The following TRERF1 variants were observed in gnomAD, a reference collection of about 807,000 sequenced individuals.
TRERF1 encodes transcriptional-regulating factor 1.
TRERF1 carries 27 observed loss-of-function variants against 122.9 expected under a neutral mutation model. The observed-to-expected ratio is 0.22, with a 90% CI of 0.16 to 0.30. The LOEUF (loss-of-function observed/expected upper bound fraction) is 0.30. Among genes scored for constraint, TRERF1 ranks in the 10% least tolerant of loss-of-function variants. The pLI, the probability that TRERF1 is intolerant of heterozygous loss-of-function variation, is 1.00. For missense variants in TRERF1, 1,248 were observed against 1,560.3 expected (o/e 0.80, Z 3.37); for synonymous variants, 636 against 641.7 (o/e 0.99, Z 0.13).
chr6:42,449,349 G>A (rs568467654), intron 2 of TRERF1, among the ~76,000 whole-genome samples: 5 of 152,244 alleles, frequency 3.3e-5, no homozygotes, highest in East Asian at 1.9e-4. Flanking sequence ...GTGTCACTCC[G>A]GGTATCAATT....
At chr6:42,370,122 G>A (rs774742492) in intron 2 of TRERF1, among the ~76,000 whole-genome samples, 15 of 152,118 alleles carry the variant, frequency 9.9e-5, no homozygotes, top group South Asian at 2.1e-4. Context: ...GTAAAGGATG[G>A]ATGCAGGGGA....
Position 42,232,961 on chromosome 6 carries a change from G to A in TRERF1, c.3067-69C>T. 6.7e-7 allele frequency: 1 copy of A among 1,488,742 alleles called. No individual in the cohort carries two copies. The highest frequency in any genetic ancestry group is 9.0e-7 in the Non-Finnish European group (1 of 1,113,532). The allele number at this position is 1,488,742 out of a possible 1,614,324, so 92.2% of individuals were successfully genotyped here. ...GGAAATTAGGGTTATTAGTTACTCA[G>A]TGGTAAACATGGAATACTTGAAACT... On this transcript the variant is annotated intron_variant, in intron 16 of 17. Coordinates refer to ENST00000372922, the Ensembl canonical transcript of TRERF1. The surrounding 1 kb of genome is among the most constrained non-coding windows in gnomAD (Gnocchi z 4.5).
At position 42,228,079 on chromosome 6, in the gene TRERF1, G is replaced by T; in HGVS notation, c.*266C>A. 2.8e-6 allele frequency: 1 copy of T among 355,478 alleles called. No individual in the cohort carries two copies. Among genetic ancestry groups the T allele is most frequent in the Non-Finnish European group, 5.1e-6 (1 of 197,368 alleles). The allele number at this position is 355,478 out of a possible 1,614,324, so 22.0% of individuals were successfully genotyped here. ...TGAAGGTCAGCTTCAGTCCCTACTGGGAATGATTTCATGAGAAGGTAGCCC... is the reference window on the plus strand; with the variant it reads ...TGAAGGTCAGCTTCAGTCCCTACTGTGAATGATTTCATGAGAAGGTAGCCC... On this transcript the variant is annotated 3_prime_UTR_variant, in exon 18 of 18. Coordinates refer to ENST00000372922, the Ensembl canonical transcript of TRERF1. This position sits in a 1 kb window ranked among gnomAD's most constrained non-coding sequence, Gnocchi z 4.2.
At chr6:42,362,946 C>G (rs376788319) in intron 3 of TRERF1, 51 bp downstream of exon 3, 1 of 153,888 alleles carries the variant, frequency 6.5e-6, no homozygotes, top group South Asian at 2.1e-4. Context: ...AATGGTCTTA[C>G]GACTGCTTTG....
Position 42,266,984 on chromosome 6 carries a change from C to T in TRERF1, c.1437+1170G>A, listed in dbSNP as rs181776408. Among the ~76,000 whole-genome samples, 180 of 152,304 alleles carry T rather than the reference C, an allele frequency of 1.2e-3. 1 individual carries two copies. Among genetic ancestry groups the T allele is most frequent in the African/African-American group, 4.1e-3 (172 of 41,562 alleles). ...GGATCATGTGGGCAGCTAAGGTTTT[C>T]ATCTCCACAATCACACATGGTATCT... On this transcript the variant is annotated intron_variant, in intron 5 of 17. Coordinates refer to ENST00000372922, the Ensembl canonical transcript of TRERF1.
At chr6:42,414,714 C>A (rs1012629102) in intron 2 of TRERF1, among the ~76,000 whole-genome samples, 1 of 152,236 alleles carries the variant, frequency 6.6e-6, no homozygotes, top group Non-Finnish European at 1.5e-5. Context: ...GTGCAATGCA[C>A]TCCGTTATCT....
At chr6:42,315,175 G>A (rs191243185) in intron 3 of TRERF1, among the ~76,000 whole-genome samples, 2 of 152,294 alleles carry the variant, frequency 1.3e-5, no homozygotes, top group East Asian at 3.9e-4. Context: ...GCCTTCCAGA[G>A]GACATTTGGC....
chr6:42,313,801 A>AG (rs1316338215), intron 3 of TRERF1, among the ~76,000 whole-genome samples: 1 of 152,144 alleles, frequency 6.6e-6, no homozygotes, highest in Non-Finnish European at 1.5e-5. Flanking sequence ...TGTGGGCCTC[A>AG]GGAACTCTCC....
intron 2 of TRERF1, among the ~76,000 whole-genome samples, chr6:42,373,384 T>A (rs1159403403): frequency 6.7e-6 from 1 of 148,254 alleles, no homozygotes; most frequent in African/African-American, 2.5e-5. Flanking sequence ...AATACAAAAT[T>A]AGGCTGGGCA....
At chr6:42,278,161 T>C (rs997880451) in intron 4 of TRERF1, among the ~76,000 whole-genome samples, 1 of 152,206 alleles carries the variant, frequency 6.6e-6, no homozygotes, top group African/African-American at 2.4e-5. Context: ...TAACCTGACT[T>C]GTAGAGACAA....
rs1308250272 is a variant in TRERF1, at chr6:42,373,818, CA to C, written c.-453-10740del. ...TGCATTCCAGCCTGGGCAACAAGAG[CA>C]AAAAAAAAAAAGAAGAAGAAAGAAA... On this transcript the variant is annotated intron_variant, in intron 2 of 17. Transcript: ENST00000372922. 9.2e-3 allele frequency among the ~76,000 whole-genome samples: 1,064 copies of C among 115,784 alleles called. 11 individuals are homozygous for C. Among genetic ancestry groups the C allele is most frequent in the African/African-American group, 0.024 (759 of 31,638 alleles). The allele number at this position is 115,784 out of a possible 152,430, so 76.0% of individuals were successfully genotyped here. A position where few individuals can be genotyped will look rare whatever the true frequency, so the allele number is the denominator to read the frequency against.
Position 42,382,568 on chromosome 6 carries a change from C to G in TRERF1, c.-453-19489G>C, listed in dbSNP as rs185475300. 9.2e-3 allele frequency among the ~76,000 whole-genome samples: 1,399 copies of G among 152,154 alleles called. 10 individuals carry two copies. The highest frequency in any genetic ancestry group is 0.024 in the Middle Eastern group (7 of 294). On this transcript the variant is annotated intron_variant, in intron 2 of 17. Transcript: ENST00000372922. ...TGGTTGCACTTTCAACTAAAATTCTCCATGTTTTTCCTAGGCCTCCACACC... is the reference window on the plus strand; with the variant it reads ...TGGTTGCACTTTCAACTAAAATTCTGCATGTTTTTCCTAGGCCTCCACACC...
intron 3 of TRERF1, among the ~76,000 whole-genome samples, chr6:42,319,089 C>T (rs1384806797): frequency 6.6e-6 from 1 of 152,234 alleles, no homozygotes; most frequent in Non-Finnish European, 1.5e-5. Flanking sequence ...TCCTCATAGG[C>T]CTGTGGCAGT....
At chr6:42,409,612 G>A (rs1443958112) in intron 2 of TRERF1, among the ~76,000 whole-genome samples, 1 of 152,154 alleles carries the variant, frequency 6.6e-6, no homozygotes, top group East Asian at 1.9e-4. Context: ...AGCCATGTAG[G>A]ATTTTGTAAT....
intron 3 of TRERF1, among the ~76,000 whole-genome samples, chr6:42,355,941 T>C (rs999302209): frequency 1.3e-5 from 2 of 152,242 alleles, no homozygotes; most frequent in African/African-American, 2.4e-5. Context: ...ATTGGATGTG[T>C]TGAACCATTC....
intron 3 of TRERF1, among the ~76,000 whole-genome samples, chr6:42,325,436 C>A (rs566322900): frequency 6.6e-6 from 1 of 152,210 alleles, no homozygotes; most frequent in Non-Finnish European, 1.5e-5. Context: ...AATCATTCCA[C>A]CAAAAGACAT....
chr6:42,327,993 T>G (rs1468367023), intron 3 of TRERF1, among the ~76,000 whole-genome samples: 2 of 126,578 alleles, frequency 1.6e-5, no homozygotes, highest in South Asian at 5.5e-4. Flanking sequence ...TAATTTTCTT[T>G]TTCTTTCTTT....
intron 4 of TRERF1, among the ~76,000 whole-genome samples, chr6:42,278,946 C>T (rs1461647978): frequency 6.6e-6 from 1 of 152,126 alleles, no homozygotes; most frequent in Non-Finnish European, 1.5e-5. Context: ...GTCCTGTCAT[C>T]CTTTACAGTC....
Position 42,259,849 on chromosome 6 carries a change from CA to C in TRERF1, c.1885-127del, listed in dbSNP as rs1777512660. 7.6e-7 allele frequency: 1 copy of C among 1,323,190 alleles called. No individual in the cohort carries two copies. The highest frequency in any genetic ancestry group is 2.4e-5 in the Admixed American group (1 of 41,858). The allele number at this position is 1,323,190 out of a possible 1,614,324, so 82.0% of individuals were successfully genotyped here. On this transcript the variant is annotated intron_variant, in intron 8 of 17. Transcript: ENST00000372922. The surrounding 1 kb of genome is among the most constrained non-coding windows in gnomAD (Gnocchi z 4.9). ...CCCTTCTGCTTGACCCCCCCACCCC[CA>C]ACGCCCCCACATTCTGACCACATCC...
Sources: allele counts gnomAD v4.1 joint callset (sites outside exome capture counted in the v4.1 genomes callset), GRCh38; gene constraint gnomAD v4.1.1; non-coding constraint Gnocchi (gnomAD v3.1); transcripts MANE v1.5; gene names NCBI Gene and HGNC (gene_info 2026-07-23, HGNC 2026-07-21).